The following SEMA3D variants were observed in gnomAD, a reference collection of about 807,000 sequenced individuals.
SEMA3D encodes semaphorin 3D.
Under a neutral mutation model 100.1 loss-of-function variants are expected in SEMA3D, and 84 were observed. The observed-to-expected ratio is 0.84, with a 90% CI of 0.70 to 1.01. The LOEUF is 1.01. Among genes scored for constraint, SEMA3D ranks in the 50% least tolerant of loss-of-function variants. The pLI, the probability that SEMA3D is intolerant of heterozygous loss-of-function variation, is 0.00. For missense variants in SEMA3D, 875 were observed against 934.1 expected, an observed-to-expected ratio of 0.94 and a Z score of 0.82; for synonymous variants, 312 against 320.7, an observed-to-expected ratio of 0.97 and a Z score of 0.29.
chr7:85,096,703 T>C (rs1176238746), intron 4 of SEMA3D, among the ~76,000 whole-genome samples: 2 of 151,902 alleles, frequency 1.3e-5, no homozygotes, highest in Non-Finnish European at 2.9e-5. Flanking sequence ...AGTGAAGTAA[T>C]ATTACTACAT....
the SEMA3D span, among the ~76,000 whole-genome samples, chr7:85,201,781 C>T: frequency 1.3e-5 from 2 of 151,780 alleles, no homozygotes; most frequent in East Asian, 1.9e-4. Context: ...AGCTGGAGAG[C>T]GGTGATGCAA....
At chr7:85,003,333 T>C (rs1789705345) in intron 18 of SEMA3D, among the ~76,000 whole-genome samples, 1 of 152,030 alleles carries the variant, frequency 6.6e-6, no homozygotes, top group African/African-American at 2.4e-5. Flanking sequence ...AATGAGCTCG[T>C]TATTAAAAAG....
chr7:85,052,135 C>G (rs1025921869), intron 9 of SEMA3D, among the ~76,000 whole-genome samples: 4 of 151,854 alleles, frequency 2.6e-5, no homozygotes, highest in Non-Finnish European at 4.4e-5. Context: ...TGAACTATCT[C>G]TTGAACTTAC....
chr7:85,171,723 G>A (rs930770732), intron 1 of SEMA3D, among the ~76,000 whole-genome samples: 2 of 151,738 alleles, frequency 1.3e-5, no homozygotes, highest in Middle Eastern at 3.4e-3. Flanking sequence ...ATCTCACAGA[G>A]AATCAAGCCA....
chr7:85,204,535 A>G, the SEMA3D span, among the ~76,000 whole-genome samples: 1 of 152,104 alleles, frequency 6.6e-6, no homozygotes, highest in Admixed American at 6.6e-5. Context: ...TTTAGTGAGG[A>G]ACCATCTTAA....
At chr7:85,033,782 T>C (rs1025231242) in intron 12 of SEMA3D, among the ~76,000 whole-genome samples, 1 of 151,752 alleles carries the variant, frequency 6.6e-6, no homozygotes, top group African/African-American at 2.4e-5. Context: ...TGACAGTCTA[T>C]AATATTTAAC....
At chr7:85,040,007 C>G (rs996647427) in intron 11 of SEMA3D, among the ~76,000 whole-genome samples, 2 of 127,964 alleles carry the variant, frequency 1.6e-5, no homozygotes, top group African/African-American at 6.3e-5. Context: ...GACAGGGTCT[C>G]GCTGTGTCAC....
chr7:85,223,260 A>C, the SEMA3D span, among the ~76,000 whole-genome samples: 1 of 152,150 alleles, frequency 6.6e-6, no homozygotes, highest in African/African-American at 2.4e-5. Context: ...TTAAAGCACT[A>C]TTAGGTTGGT....
chr7:85,131,436 T>A (rs1000528032), intron 2 of SEMA3D, among the ~76,000 whole-genome samples: 19 of 152,188 alleles, frequency 1.2e-4, no homozygotes, highest in African/African-American at 4.6e-4. Flanking sequence ...AATCACATAA[T>A]TTATCAAGAA....
the SEMA3D span, among the ~76,000 whole-genome samples, chr7:85,222,574 A>ACC: frequency 1.2e-4 from 18 of 152,072 alleles, no homozygotes; most frequent in Non-Finnish European, 2.4e-4. Context: ...GAATTAATTG[A>ACC]TTTATTTAAA....
chr7:85,147,510 T>C (rs1790250923), intron 2 of SEMA3D, among the ~76,000 whole-genome samples: 1 of 152,164 alleles, frequency 6.6e-6, no homozygotes, highest in Non-Finnish European at 1.5e-5. Flanking sequence ...TATCTGTAGA[T>C]GTGCTGTTAG....
At chr7:85,191,622 A>G (rs536813391), upstream of SEMA3D, among the ~76,000 whole-genome samples, 15 of 152,240 alleles carry the variant, frequency 9.9e-5, no homozygotes, top group East Asian at 2.9e-3. Context: ...ACAGTACTCT[A>G]TTATTTCCTG....
intron 12 of SEMA3D, among the ~76,000 whole-genome samples, chr7:85,025,856 GTAA>G (rs1294069595): frequency 6.6e-6 from 1 of 151,980 alleles, no homozygotes; most frequent in Admixed American, 6.6e-5. Flanking sequence ...ACATACAGAG[GTAA>G]TTTCTCTCCT....
intron 2 of SEMA3D, among the ~76,000 whole-genome samples, chr7:85,143,528 G>A (rs1790114207): frequency 6.6e-6 from 1 of 152,002 alleles, no homozygotes; most frequent in South Asian, 2.1e-4. Context: ...AAGTATTTAT[G>A]TATTTAAACT....
At chr7:85,171,821 C>T (rs1028492563) in intron 1 of SEMA3D, among the ~76,000 whole-genome samples, 5 of 151,396 alleles carry the variant, frequency 3.3e-5, no homozygotes, top group African/African-American at 1.2e-4. Flanking sequence ...AAAAATAAAA[C>T]AAAAATGAAC....
At chr7:85,075,004 A>T (rs1791883359) in intron 5 of SEMA3D, among the ~76,000 whole-genome samples, 1 of 152,208 alleles carries the variant, frequency 6.6e-6, no homozygotes, top group Non-Finnish European at 1.5e-5. Context: ...CATGATCACC[A>T]GGTAAATTTT....
the SEMA3D span, among the ~76,000 whole-genome samples, chr7:85,229,142 C>T: frequency 6.6e-6 from 1 of 151,830 alleles, no homozygotes; most frequent in Non-Finnish European, 1.5e-5. Flanking sequence ...GGAGCCTTTG[C>T]ATGTTTAATA....
chr7:85,135,333 A>G (rs1226335797), intron 2 of SEMA3D, among the ~76,000 whole-genome samples: 1 of 152,076 alleles, frequency 6.6e-6, no homozygotes, highest in Non-Finnish European at 1.5e-5. Flanking sequence ...TCAACTGGTT[A>G]TGGTTTGCAC....
the SEMA3D span, among the ~76,000 whole-genome samples, chr7:85,211,868 AT>A: frequency 1.3e-5 from 2 of 152,084 alleles, no homozygotes. Flanking sequence ...TCTCTAGCTT[AT>A]TTTATTATAG....
Sources: gnomAD v4.1 joint callset for allele counts (sites outside exome capture counted in the v4.1 genomes callset) on GRCh38, gnomAD v4.1.1 for gene constraint, MANE v1.5 for transcripts, NCBI Gene and HGNC (gene_info 2026-07-23, HGNC 2026-07-21) for gene names.